The following SMIM36 variants were observed in gnomAD, a reference collection of about 807,000 sequenced individuals.
SMIM36 encodes the protein small integral membrane protein 36.
At chr17:55,525,901 G>T in the SMIM36 span, among the ~76,000 whole-genome samples, 20 of 151,870 alleles carry the variant, frequency 1.3e-4, no homozygotes, top group African/African-American at 4.4e-4. Context: ...CAAGCGATCC[G>T]CCTGCCTCGA....
At chr17:55,496,150 G>T (rs1259239972) in intron 1 of SMIM36, among the ~76,000 whole-genome samples, 1 of 152,170 alleles carries the variant, frequency 6.6e-6, no homozygotes, top group African/African-American at 2.4e-5. Flanking sequence ...CCACTGCCAC[G>T]TTTCCGCTGA....
chr17:55,502,622 G>GA (rs1472907276), intron 1 of SMIM36, among the ~76,000 whole-genome samples: 2 of 99,144 alleles, frequency 2.0e-5, no homozygotes, highest in African/African-American at 5.4e-5. Context: ...CAAAGATGGG[G>GA]AAAAAACAGA....
the SMIM36 span, among the ~76,000 whole-genome samples, chr17:55,530,036 A>C: frequency 6.6e-6 from 1 of 152,230 alleles, no homozygotes; most frequent in Non-Finnish European, 1.5e-5. Context: ...TTCACCATCA[A>C]ACTGAAAGCT....
At chr17:55,472,800 G>A (rs751418927) in intron 3 of SMIM36, among the ~76,000 whole-genome samples, 5 of 151,376 alleles carry the variant, frequency 3.3e-5, no homozygotes, top group Admixed American at 6.6e-5. Flanking sequence ...ACCGGGAGGC[G>A]GAGGTTGCAG....
chr17:55,495,447 T>C (rs1909791504), intron 1 of SMIM36, among the ~76,000 whole-genome samples: 1 of 152,186 alleles, frequency 6.6e-6, no homozygotes, highest in Non-Finnish European at 1.5e-5. Flanking sequence ...TTGGATTCGT[T>C]CATGAGACAC....
At chr17:55,501,373 T>TA (rs1909963810) in intron 1 of SMIM36, among the ~76,000 whole-genome samples, 1 of 79,454 alleles carries the variant, frequency 1.3e-5, no homozygotes, top group Non-Finnish European at 2.1e-5. Flanking sequence ...TAATATATTA[T>TA]ATATTATAGA....
At chr17:55,485,964 T>C (rs1909599297) in intron 1 of SMIM36, among the ~76,000 whole-genome samples, 1 of 152,164 alleles carries the variant, frequency 6.6e-6, no homozygotes, top group South Asian at 2.1e-4. Context: ...GTAGTATTAA[T>C]TCTTATGTGA....
chr17:55,488,290 G>A (rs778366867), intron 1 of SMIM36, among the ~76,000 whole-genome samples: 1 of 152,144 alleles, frequency 6.6e-6, no homozygotes, highest in Non-Finnish European at 1.5e-5. Flanking sequence ...GAGGCATCCC[G>A]ACTGCAGTCT....
intron 3 of SMIM36, among the ~76,000 whole-genome samples, chr17:55,471,067 T>C (rs1909334074): frequency 6.6e-6 from 1 of 152,048 alleles, no homozygotes. Context: ...CTCCCACAAC[T>C]CACTATTCTG....
the SMIM36 span, among the ~76,000 whole-genome samples, chr17:55,523,683 T>C: frequency 6.6e-6 from 1 of 152,162 alleles, no homozygotes; most frequent in South Asian, 2.1e-4. Context: ...GTTTCTGCTG[T>C]TTAGGGCACC....
At chr17:55,464,852 A>G (rs1443538946) in intron 4 of SMIM36, among the ~76,000 whole-genome samples, 1 of 152,204 alleles carries the variant, frequency 6.6e-6, no homozygotes, top group Non-Finnish European at 1.5e-5. Flanking sequence ...CTCCTTTGAG[A>G]GCAGGTGTGC....
chr17:55,471,941 A>T (rs1034733021), intron 3 of SMIM36, among the ~76,000 whole-genome samples: 19 of 152,266 alleles, frequency 1.2e-4, no homozygotes, highest in African/African-American at 4.3e-4. Flanking sequence ...TATAGTTCTC[A>T]CAACCTTCAA....
intron 1 of SMIM36, among the ~76,000 whole-genome samples, chr17:55,500,843 ATAT>A (rs1192537403): frequency 3.4e-5 from 1 of 29,812 alleles, no homozygotes; most frequent in Admixed American, 6.3e-4. Flanking sequence ...ATATTATAAT[ATAT>A]TATATTATAA....
chr17:55,473,912 G>T (rs1438916873), intron 3 of SMIM36, among the ~76,000 whole-genome samples: 2 of 152,094 alleles, frequency 1.3e-5, no homozygotes, highest in African/African-American at 2.4e-5. Flanking sequence ...GTCACCCTGG[G>T]CCTGGTAGTT....
chr17:55,478,074 T>C (rs1175696250), intron 3 of SMIM36, among the ~76,000 whole-genome samples: 2 of 151,960 alleles, frequency 1.3e-5, no homozygotes, highest in Non-Finnish European at 1.5e-5. Flanking sequence ...TATGCACCTG[T>C]AGGGAGGCTG....
upstream of SMIM36, among the ~76,000 whole-genome samples, chr17:55,514,525 T>C (rs993503230): frequency 2.0e-5 from 3 of 152,250 alleles, no homozygotes; most frequent in Non-Finnish European, 4.4e-5. Flanking sequence ...GGCAGTGGAA[T>C]TGAATGAGCT....
At chr17:55,490,629 T>C (rs990025518) in intron 1 of SMIM36, among the ~76,000 whole-genome samples, 1 of 152,218 alleles carries the variant, frequency 6.6e-6, no homozygotes, top group African/African-American at 2.4e-5. Flanking sequence ...CAGTCCATGC[T>C]ATTTGTTCTT....
upstream of SMIM36, among the ~76,000 whole-genome samples, chr17:55,515,609 C>T (rs545879323): frequency 9.2e-5 from 14 of 152,188 alleles, no homozygotes; most frequent in South Asian, 4.2e-4. Flanking sequence ...GGAGGAGATG[C>T]TATGGAAAGA....
chr17:55,460,501 C>A (rs1450422621), intron 4 of SMIM36, among the ~76,000 whole-genome samples: 1 of 150,534 alleles, frequency 6.6e-6, no homozygotes, highest in Non-Finnish European at 1.5e-5. Flanking sequence ...TAAGTGAAAA[C>A]AAAACAGCAC....
Sources: allele counts gnomAD v4.1 joint callset (sites outside exome capture counted in the v4.1 genomes callset), GRCh38; gene constraint gnomAD v4.1.1; transcripts MANE v1.5; gene names NCBI Gene and HGNC (gene_info 2026-07-23, HGNC 2026-07-21).